The following SLC25A20 variants were observed in gnomAD, a reference collection of about 807,000 sequenced individuals.
The protein encoded by SLC25A20 is solute carrier family 25 member 20.
In SLC25A20, 29 loss-of-function variants were observed where a neutral mutation model predicts 39.7. That is an observed-to-expected ratio of 0.73 (90% CI 0.54 to 1.00). SLC25A20 has a LOEUF of 1.00. Among genes scored for constraint, SLC25A20 ranks in the 50% least tolerant of loss-of-function variants. The probability of loss-of-function intolerance (pLI) is 0.00; values close to 1 mark genes in which losing one functional copy is unlikely to be tolerated. For synonymous variants in SLC25A20, 103 were observed against 142.2 expected (o/e 0.72, Z 1.96); for missense variants, 333 against 379.9 (o/e 0.88, Z 1.03).
rs769356324 is a variant in SLC25A20 at position 48,892,081 on chromosome 3, A to G, written c.106-9T>C. The G allele has an allele frequency of 6.2e-7, 1 of 1,612,260 alleles. No individual in the cohort carries two copies. The highest frequency in any genetic ancestry group is 8.5e-7 in the Non-Finnish European group (1 of 1,178,316). ...TGTGTCTGCAGTCGGACCTGAAAACAGAAGTTAAAATGCAGTCACCTACCA... is the reference window on the plus strand; with the variant it reads ...TGTGTCTGCAGTCGGACCTGAAAACGGAAGTTAAAATGCAGTCACCTACCA... On this transcript the variant is annotated splice_polypyrimidine_tract_variant and intron_variant, in intron 1 of 8. Coordinates refer to ENST00000319017, the MANE Select transcript of SLC25A20 (RefSeq NM_000387.6).
intron 2 of SLC25A20, among the ~76,000 whole-genome samples, chr3:48,889,239 A>C (rs2083855585): frequency 6.6e-6 from 1 of 151,690 alleles, no homozygotes; most frequent in Admixed American, 6.6e-5. Context: ...GCTGGAGTGC[A>C]ATTAGCCAGG....
At chr3:48,867,225 AG>A (rs1201555377) in intron 4 of SLC25A20, among the ~76,000 whole-genome samples, 12 of 151,874 alleles carry the variant, frequency 7.9e-5, no homozygotes, top group Admixed American at 3.9e-4. Context: ...TATAGGTGTG[AG>A]CCACTGTGCC....
At chr3:48,896,271 C>T (rs1480712178) in intron 1 of SLC25A20, among the ~76,000 whole-genome samples, 1 of 151,596 alleles carries the variant, frequency 6.6e-6, no homozygotes, top group Non-Finnish European at 1.5e-5. Context: ...CTAGGTTCAA[C>T]CGATCCTCCA....
chr3:48,857,491 TTAAATTGA>T lies in SLC25A20; in HGVS notation c.*211_*218del. On this transcript the variant is annotated 3_prime_UTR_variant, in exon 9 of 9. Transcript: ENST00000319017. ...CATTTCCAAATCCTTTTAAGATCCC[TTAAATTGA>T]TAAGAATGAATTCAAGTTTCAAAAT... is the stretch of plus-strand genomic sequence containing the variant. 1 of 576,922 alleles carries T rather than the reference TTAAATTGA, an allele frequency of 1.7e-6. No homozygotes were observed. Among genetic ancestry groups the T allele is most frequent in the Non-Finnish European group, 3.2e-6 (1 of 316,490 alleles). The allele number at this position is 576,922 out of a possible 1,614,324, so 35.7% of individuals were successfully genotyped here. A position where few individuals can be genotyped will look rare whatever the true frequency, so the allele number is the denominator to read the frequency against.
At chr3:48,872,688 A>C (rs1313051055) in intron 4 of SLC25A20, among the ~76,000 whole-genome samples, 3 of 122,786 alleles carry the variant, frequency 2.4e-5, no homozygotes, top group Non-Finnish European at 4.9e-5. Flanking sequence ...CCATCCTTAC[A>C]AAAAAAAAAA....
intron 4 of SLC25A20, among the ~76,000 whole-genome samples, chr3:48,877,670 A>C (rs1238328127): frequency 6.6e-6 from 1 of 151,984 alleles, no homozygotes; most frequent in Non-Finnish European, 1.5e-5. Flanking sequence ...CGGAGGTTGC[A>C]ATAATCTGAG....
At chr3:48,858,274 C>G (rs1468598341) in intron 8 of SLC25A20, among the ~76,000 whole-genome samples, 3 of 152,014 alleles carry the variant, frequency 2.0e-5, no homozygotes, top group African/African-American at 7.2e-5. Flanking sequence ...GGCCTCACAA[C>G]TGCCCACTTC....
chr3:48,891,048 C>T (rs2083872272), intron 2 of SLC25A20, among the ~76,000 whole-genome samples: 1 of 152,100 alleles, frequency 6.6e-6, no homozygotes, highest in Admixed American at 6.6e-5. Context: ...CCCGGCCCAG[C>T]TGTTTTCTCT....
intron 3 of SLC25A20, among the ~76,000 whole-genome samples, chr3:48,883,031 CAAAAAAAA>C (rs11293883): frequency 7.0e-6 from 1 of 142,422 alleles, no homozygotes. Context: ...ACTAAAAATA[CAAAAAAAA>C]AAAAAATTAG....
intron 4 of SLC25A20, among the ~76,000 whole-genome samples, chr3:48,876,900 AC>A (rs951353689): frequency 4.0e-5 from 6 of 151,066 alleles, no homozygotes; most frequent in Non-Finnish European, 5.9e-5. Flanking sequence ...GCTCAAGACC[AC>A]CCTGATCAAC....
At chr3:48,861,524 C>G (rs924299094) in intron 5 of SLC25A20, among the ~76,000 whole-genome samples, 4 of 151,440 alleles carry the variant, frequency 2.6e-5, no homozygotes, top group Non-Finnish European at 1.5e-5. Context: ...GTCAGGAGTT[C>G]GAGACCAGCC....
At chr3:48,882,646 C>G (rs2083802465) in intron 3 of SLC25A20, among the ~76,000 whole-genome samples, 1 of 152,012 alleles carries the variant, frequency 6.6e-6, no homozygotes, top group Non-Finnish European at 1.5e-5. Flanking sequence ...TTGCTTGGCT[C>G]CAGGAGTTCA....
At chr3:48,883,152 G>A (rs1312390266) in intron 3 of SLC25A20, among the ~76,000 whole-genome samples, 1 of 150,890 alleles carries the variant, frequency 6.6e-6, no homozygotes, top group Non-Finnish European at 1.5e-5. Context: ...CCGAGATTGC[G>A]CCACTGCACT....
intron 2 of SLC25A20, among the ~76,000 whole-genome samples, chr3:48,884,893 TAAAA>T (rs74266012): frequency 1.0e-5 from 1 of 99,364 alleles, no homozygotes; most frequent in Non-Finnish European, 2.2e-5. Flanking sequence ...GATTATTAAG[TAAAA>T]AAAAAAAAAA....
intron 2 of SLC25A20, among the ~76,000 whole-genome samples, chr3:48,891,778 T>A (rs1477981760): frequency 6.6e-6 from 1 of 152,154 alleles, no homozygotes; most frequent in African/African-American, 2.4e-5. Flanking sequence ...GCCTTAGTCA[T>A]CTGTATAAAA....
chr3:48,871,460 A>G (rs763855149), intron 4 of SLC25A20, among the ~76,000 whole-genome samples: 10 of 152,044 alleles, frequency 6.6e-5, no homozygotes, highest in Non-Finnish European at 1.5e-4. Context: ...AGACATATAG[A>G]TAAATGGAGT....
intron 3 of SLC25A20, among the ~76,000 whole-genome samples, chr3:48,881,816 T>C (rs2083797397): frequency 6.6e-6 from 1 of 152,186 alleles, no homozygotes. Flanking sequence ...CATGTGTCTG[T>C]GGGACACAAG....
At chr3:48,870,095 A>G (rs1391077074) in intron 4 of SLC25A20, among the ~76,000 whole-genome samples, 1 of 151,770 alleles carries the variant, frequency 6.6e-6, no homozygotes, top group Non-Finnish European at 1.5e-5. Flanking sequence ...TAGTCCAGGC[A>G]TTGTCTTAAA....
At chr3:48,865,772 C>CAAAAA (rs1202666164) in intron 4 of SLC25A20, among the ~76,000 whole-genome samples, 7 of 77,994 alleles carry the variant, frequency 9.0e-5, no homozygotes, top group South Asian at 3.7e-4. Context: ...CTGTCTCAAA[C>CAAAAA]AAAAAAAAAA....
Sources: gnomAD v4.1 joint callset for allele counts (sites outside exome capture counted in the v4.1 genomes callset) on GRCh38, gnomAD v4.1.1 for gene constraint, MANE v1.5 for transcripts, NCBI Gene and HGNC (gene_info 2026-07-23, HGNC 2026-07-21) for gene names.